The following PIGN variants were observed in gnomAD, a reference collection of about 807,000 sequenced individuals.
PIGN encodes the protein GPI ethanolamine phosphate transferase 1.
Under a neutral mutation model 125.4 loss-of-function variants are expected in PIGN, and 117 were observed. The observed-to-expected ratio is 0.93, with a 90% CI of 0.80 to 1.09. The LOEUF is 1.09. Ranked by LOEUF, PIGN falls within the 50% of genes least tolerant of loss-of-function variation. PIGN has a pLI of 0.00. For synonymous variants in PIGN, 392 were observed against 377.8 expected (o/e 1.04, Z -0.44); for missense variants, 1,075 against 1,094.9 (o/e 0.98, Z 0.26).
chr18:62,086,381 G>C (rs775957835), intron 25 of PIGN, among the ~76,000 whole-genome samples: 1 of 152,158 alleles, frequency 6.6e-6, no homozygotes, highest in Non-Finnish European at 1.5e-5. Context: ...CACTTAGGGA[G>C]GCTGAGGCGG....
chr18:62,167,286 ATGTGTGTG>A (rs61310777), intron 1 of PIGN, among the ~76,000 whole-genome samples: 12,545 of 138,846 alleles, frequency 0.09, 627 homozygotes, highest in African/African-American at 0.12. Context: ...AGAGATATAT[ATGTGTGTG>A]TGTGTGTGTG....
intron 4 of PIGN, chr18:62,158,085 C>T (rs1260822992): frequency 7.0e-6 from 2 of 286,516 alleles, no homozygotes; most frequent in Non-Finnish European, 1.3e-5. Context: ...TGTTTTAAGC[C>T]ACAAAACAGA....
chr18:62,066,880 A>C (rs1171849726), intron 30 of PIGN, among the ~76,000 whole-genome samples: 4 of 152,222 alleles, frequency 2.6e-5, no homozygotes, highest in Non-Finnish European at 4.4e-5. Flanking sequence ...ATAAATGAAA[A>C]TATAATCTCC....
At chr18:62,060,281 C>A (rs1448818819) in intron 30 of PIGN, among the ~76,000 whole-genome samples, 1 of 152,212 alleles carries the variant, frequency 6.6e-6, no homozygotes, top group African/African-American at 2.4e-5. Context: ...TCATTTAAAT[C>A]AGCAGTTCTC....
intron 30 of PIGN, among the ~76,000 whole-genome samples, chr18:62,071,565 T>C (rs2032846874): frequency 6.6e-6 from 1 of 152,074 alleles, no homozygotes; most frequent in South Asian, 2.1e-4. Context: ...TGCGTGAGTG[T>C]AGTCATGCAC....
intron 1 of PIGN, among the ~76,000 whole-genome samples, chr18:62,185,523 A>C (rs1429381650): frequency 6.6e-6 from 1 of 152,186 alleles, no homozygotes; most frequent in Non-Finnish European, 1.5e-5. Context: ...CCTACTCTTA[A>C]CTGTTGGCAT....
Position 62,176,437 on chromosome 18 carries a change from T to C in PIGN, c.-236+10407A>G, listed in dbSNP as rs551859013. Reference sequence around the variant, plus strand: ...GCAGTCTTAAAGAAACGTCTCCAAATATTTATTCCTTACAAAGGGAAAAAT... The same window carrying C: ...GCAGTCTTAAAGAAACGTCTCCAAACATTTATTCCTTACAAAGGGAAAAAT... On this transcript the variant is annotated intron_variant, in intron 1 of 30. Coordinates refer to ENST00000640252, the MANE Select transcript of PIGN (RefSeq NM_176787.5). Among the ~76,000 whole-genome samples the C allele has an allele frequency of 3.3e-5, 5 of 152,140 alleles. No individual in the cohort carries two copies. In the South Asian group the frequency reaches 1.0e-3, roughly 32 times the overall value.
chr18:62,170,384 A>G (rs1481804133), intron 1 of PIGN, among the ~76,000 whole-genome samples: 2 of 152,068 alleles, frequency 1.3e-5, no homozygotes, highest in African/African-American at 2.4e-5. Flanking sequence ...TGTCTGTGTC[A>G]TATTTTGTAA....
At chr18:62,024,577 A>C (rs2030092720) in intron 23 of PIGN, among the ~76,000 whole-genome samples, 1 of 151,884 alleles carries the variant, frequency 6.6e-6, no homozygotes, top group African/African-American at 2.4e-5. Flanking sequence ...TTGCTCTATA[A>C]CTCCAACCTT....
chr18:62,096,060 C>T lies in PIGN; in HGVS notation c.2078-110G>A, dbSNP rs1227877287. On this transcript the variant is annotated intron_variant, in intron 22 of 30. Coordinates refer to ENST00000640252, the MANE Select transcript of PIGN (RefSeq NM_176787.5). ...CTGTAATCTCAGCACTTTGGGAGGC[C>T]GAGGTGGGCAGATCACCTGAGGTCA... 1.1e-5 allele frequency: 6 copies of T among 565,680 alleles called. No homozygotes were observed. In the East Asian group the frequency reaches 1.2e-4, roughly 11 times the overall value. 35.0% of individuals were successfully genotyped at this position (565,680 alleles called of 1,614,324 possible).
chr18:62,104,547 A>G (rs1043224685), intron 20 of PIGN, among the ~76,000 whole-genome samples: 2 of 152,196 alleles, frequency 1.3e-5, no homozygotes, highest in African/African-American at 4.8e-5. Context: ...TGGCTTAGAT[A>G]GTATGGTGTT....
intron 13 of PIGN, among the ~76,000 whole-genome samples, chr18:62,138,734 G>C (rs1045488102): frequency 6.6e-6 from 1 of 152,138 alleles, no homozygotes; most frequent in South Asian, 2.1e-4. Context: ...GAATTGACTT[G>C]TAGTCTTTGT....
At chr18:62,023,123 T>C (rs1335335203) in intron 23 of PIGN, among the ~76,000 whole-genome samples, 1 of 152,136 alleles carries the variant, frequency 6.6e-6, no homozygotes, top group Non-Finnish European at 1.5e-5. Flanking sequence ...CCTACGGATA[T>C]GAAGGATTGA....
chr18:62,118,946 A>C (rs182612516), intron 14 of PIGN, among the ~76,000 whole-genome samples: 87 of 152,028 alleles, frequency 5.7e-4, no homozygotes, highest in Middle Eastern at 3.4e-3. Context: ...AGAAGCTAAG[A>C]AGAATGTCCC....
chr18:62,103,783 T>C (rs965552249), intron 20 of PIGN: 1 of 152,190 alleles, frequency 6.6e-6, no homozygotes, highest in Non-Finnish European at 1.5e-5. Flanking sequence ...ATGCTTCAAA[T>C]ACACTCTTTG....
At chr18:62,080,711 T>C (rs775807199) in intron 28 of PIGN, among the ~76,000 whole-genome samples, 2 of 152,158 alleles carry the variant, frequency 1.3e-5, no homozygotes, top group Non-Finnish European at 2.9e-5. Flanking sequence ...CTACCATTCT[T>C]AGGAATGCAG....
At chr18:62,115,591 G>C (rs1214321124) in intron 14 of PIGN, among the ~76,000 whole-genome samples, 1 of 143,302 alleles carries the variant, frequency 7.0e-6, no homozygotes, top group African/African-American at 2.6e-5. Context: ...TTTCTACTTG[G>C]CTCAAGCAGT....
chr18:62,157,190 A>G lies in PIGN; in HGVS notation c.381T>C (p.Phe127=), dbSNP rs1328351767. The part of the protein sequence containing the change: ...KENPVEFDSL[F]NESKYTWSWG... ...AGCTCCATGTGTATTTACTTTCATT[A>G]AAAAGAGAATCAAACTCTACAGGAT... Residue 127 remains phenylalanine, a synonymous_variant, in exon 6 of 31, where the codon TTT becomes TTC. Coordinates refer to ENST00000640252, the MANE Select transcript of PIGN (RefSeq NM_176787.5). 8 of 1,609,034 alleles carry G rather than the reference A, an allele frequency of 5.0e-6. No homozygotes were observed. Among genetic ancestry groups the G allele is most frequent in the Non-Finnish European group, 6.8e-6 (8 of 1,176,768 alleles).
At chr18:62,038,308 GTTTTTTTTT>G (rs34436733), downstream of PIGN, among the ~76,000 whole-genome samples, 1 of 120,088 alleles carries the variant, frequency 8.3e-6, no homozygotes, top group African/African-American at 3.3e-5. Flanking sequence ...CCCCCTCCGT[GTTTTTTTTT>G]TTTTTTTTTT....
Sources: gnomAD v4.1 joint callset for allele counts (sites outside exome capture counted in the v4.1 genomes callset) on GRCh38, gnomAD v4.1.1 for gene constraint, MANE v1.5 for transcripts, NCBI Gene and HGNC (gene_info 2026-07-23, HGNC 2026-07-21) for gene names.